Variants in KCNQ1 observed in about 807,000 individuals in gnomAD.
The protein encoded by KCNQ1 is potassium voltage-gated channel subfamily Q member 1, also known as potassium voltage-gated channel subfamily KQT member 1.
Under a neutral mutation model 72.4 loss-of-function variants are expected in KCNQ1, and 49 were observed. The observed-to-expected ratio is 0.68, with a 90% confidence interval of 0.54 to 0.86. The LOEUF is 0.86. Among genes scored for constraint, KCNQ1 ranks in the 40% least tolerant of loss-of-function variants. The pLI, the probability that KCNQ1 is intolerant of heterozygous loss-of-function variation, is 0.00. For missense variants in KCNQ1, 790 were observed against 945.1 expected, an observed-to-expected ratio of 0.84 and a Z score of 2.15; for synonymous variants, 450 against 412.6, an observed-to-expected ratio of 1.09 and a Z score of -1.10.
intron 2 of KCNQ1, among the ~76,000 whole-genome samples, chr11:2,540,230 C>A (rs1348201662): frequency 1.3e-5 from 2 of 152,208 alleles, no homozygotes; most frequent in African/African-American, 4.8e-5. Context: ...CCAGGGGAAC[C>A]CCCTAGAGGG....
At chr11:2,709,543 C>T (rs1379593250) in intron 11 of KCNQ1, among the ~76,000 whole-genome samples, 11 of 152,068 alleles carry the variant, frequency 7.2e-5, no homozygotes, top group East Asian at 1.9e-4. Context: ...GTTTTTAGTA[C>T]GTTCAGAGTT....
At chr11:2,496,495 C>CTTTTTTTTTTTTTTTTG (rs1846920771) in intron 1 of KCNQ1, among the ~76,000 whole-genome samples, 1 of 29,830 alleles carries the variant, frequency 3.4e-5, no homozygotes, top group Non-Finnish European at 6.2e-5. Flanking sequence ...ACAACCCCTG[C>CTTTTTTTTTTTTTTTTG]TTTTTTTTTT....
intron 15 of KCNQ1, among the ~76,000 whole-genome samples, chr11:2,834,710 T>C (rs1208604065): frequency 6.6e-6 from 1 of 152,198 alleles, no homozygotes; most frequent in Non-Finnish European, 1.5e-5. Context: ...GGTGTCCTTA[T>C]GTCTGAGAGT....
chr11:2,736,011 A>T (rs899140747), intron 11 of KCNQ1, among the ~76,000 whole-genome samples: 1 of 152,180 alleles, frequency 6.6e-6, no homozygotes, highest in African/African-American at 2.4e-5. Context: ...GTACAAAGGG[A>T]CAGAGAAGCG....
chr11:2,490,932 C>G lies in KCNQ1; in HGVS notation c.387-36996C>G, dbSNP rs148612928. Reference sequence around the variant, plus strand: ...TGTTGGTCAGGCTGGTCTTGAACTCCCGACCTCAGGTGATCTGCCCGCCTC... The same window carrying G: ...TGTTGGTCAGGCTGGTCTTGAACTCGCGACCTCAGGTGATCTGCCCGCCTC... On this transcript the variant is annotated intron_variant, in intron 1 of 15. Transcript: ENST00000155840. Among the ~76,000 whole-genome samples, 179 of 152,254 alleles carry G rather than the reference C, an allele frequency of 1.2e-3. 2 individuals are homozygous for G. The highest frequency in any genetic ancestry group is 4.1e-3 in the African/African-American group (169 of 41,550).
intron 10 of KCNQ1, chr11:2,637,546 A>G (rs1849494116): frequency 6.6e-6 from 1 of 152,194 alleles, no homozygotes; most frequent in African/African-American, 2.4e-5. Context: ...GTGGTCTGAG[A>G]GACAGTTTGT....
chr11:2,528,102 G>A, intron 2 of KCNQ1, 84 bp downstream of exon 2: 1 of 1,065,586 alleles, frequency 9.4e-7, no homozygotes, highest in South Asian at 1.3e-5. Flanking sequence ...CATAAGGTGG[G>A]GGGCAGAGCC....
intron 1 of KCNQ1, among the ~76,000 whole-genome samples, chr11:2,522,702 A>C (rs1268247881): frequency 6.6e-6 from 1 of 152,250 alleles, no homozygotes; most frequent in Non-Finnish European, 1.5e-5. Context: ...GCTGACAGCC[A>C]GCCTGGCCCA....
intron 15 of KCNQ1, among the ~76,000 whole-genome samples, chr11:2,806,655 C>T (rs1847379659): frequency 6.6e-6 from 1 of 152,228 alleles, no homozygotes; most frequent in East Asian, 1.9e-4. Context: ...CTCCATCTTC[C>T]ACCTGTCCTG....
Position 2,649,769 on chromosome 11 carries a change from G to C in KCNQ1, c.1394-12192G>C, listed in dbSNP as rs1849729422. On this transcript the variant is annotated intron_variant, in intron 10 of 15. Transcript: ENST00000155840. Reference sequence around the variant, plus strand: ...GACAGTTTGATGAAAATGTGCCTCAGAGAGGCCCTTTTAGGGTTGAATCTA... The same window carrying C: ...GACAGTTTGATGAAAATGTGCCTCACAGAGGCCCTTTTAGGGTTGAATCTA... 4 of 398,490 alleles carry C rather than the reference G, an allele frequency of 1.0e-5. No individual in the cohort carries two copies. The East Asian group carries it at 1.4e-4, about 14-fold the overall frequency. The allele number at this position is 398,490 out of a possible 1,614,324, so 24.7% of individuals were successfully genotyped here. A position where few individuals can be genotyped will look rare whatever the true frequency, so the allele number is the denominator to read the frequency against.
chr11:2,505,680 G>A (rs1847092597), intron 1 of KCNQ1, among the ~76,000 whole-genome samples: 1 of 152,190 alleles, frequency 6.6e-6, no homozygotes. Context: ...ATGGTTATCT[G>A]TAACATCTTC....
chr11:2,676,487 A>T lies in KCNQ1; in HGVS notation c.1514+14406A>T, dbSNP rs1277019304. 2.5e-6 allele frequency: 1 copy of T among 398,574 alleles called. No individual in the cohort carries two copies. The highest frequency in any genetic ancestry group is 4.4e-6 in the Non-Finnish European group (1 of 226,106). 24.7% of individuals were successfully genotyped at this position (398,574 alleles called of 1,614,324 possible). A position where few individuals can be genotyped will look rare whatever the true frequency, so the allele number is the denominator to read the frequency against. ...TGTTAGCTGTAGTCTTTCTGGCATC[A>T]GTTCCATTTCTGGTGAACACTTGGA... On this transcript the variant is annotated intron_variant, in intron 11 of 15. Transcript: ENST00000155840. The surrounding 1 kb of genome is among the most constrained non-coding windows in gnomAD (Gnocchi z 4.2).
intron 11 of KCNQ1, among the ~76,000 whole-genome samples, chr11:2,731,446 C>T (rs1845857411): frequency 6.6e-6 from 1 of 152,222 alleles, no homozygotes; most frequent in Admixed American, 6.5e-5. Flanking sequence ...GCACTGCAGG[C>T]CGCCCACCAC....
intron 10 of KCNQ1, chr11:2,635,148 G>A (rs1424574894): frequency 4.6e-5 from 7 of 152,222 alleles, no homozygotes; most frequent in East Asian, 1.9e-4. Context: ...TCACTCTGAC[G>A]GTAGTTTCTT....
chr11:2,794,344 G>A (rs1210089315), intron 15 of KCNQ1, among the ~76,000 whole-genome samples: 1 of 152,226 alleles, frequency 6.6e-6, no homozygotes, highest in Non-Finnish European at 1.5e-5. Context: ...TTTGCTCGGA[G>A]GGGTGCTGAG....
At chr11:2,844,898 C>T (rs756760344) in intron 15 of KCNQ1, among the ~76,000 whole-genome samples, 10 of 152,328 alleles carry the variant, frequency 6.6e-5, no homozygotes, top group Non-Finnish European at 1.2e-4. Flanking sequence ...GTAAGCCACG[C>T]GGGGCAAACC....
chr11:2,784,871 CA>C lies in KCNQ1; in HGVS notation c.1794+6836del, dbSNP rs540941830. Reference sequence around the variant, plus strand: ...TAGAAGTAACATTAAATTTTTATATCAATCTTGTAAACTGACTTTTCTATTC... The same window carrying C: ...TAGAAGTAACATTAAATTTTTATATCATCTTGTAAACTGACTTTTCTATTC... On this transcript the variant is annotated intron_variant, in intron 15 of 15. Transcript: ENST00000155840. The surrounding 1 kb of genome is among the most constrained non-coding windows in gnomAD (Gnocchi z 4.7). 2.3e-3 allele frequency among the ~76,000 whole-genome samples: 346 copies of C among 152,028 alleles called. 1 individual carries two copies. Among genetic ancestry groups the C allele is most frequent in the African/African-American group, 7.6e-3 (316 of 41,530 alleles).
chr11:2,725,675 C>G lies in KCNQ1; in HGVS notation c.1515-43169C>G, dbSNP rs1845747305. ...TGCCTTCAGTGCCAAAGCCCCAGGCCCACAGGCTGTGCACTCCAGCCGAGG... is the reference window on the plus strand; with the variant it reads ...TGCCTTCAGTGCCAAAGCCCCAGGCGCACAGGCTGTGCACTCCAGCCGAGG... On this transcript the variant is annotated intron_variant, in intron 11 of 15. Transcript: ENST00000155840. This position sits in a 1 kb window ranked among gnomAD's most constrained non-coding sequence, Gnocchi z 7.2. Among the ~76,000 whole-genome samples, 1 of 152,138 alleles carries G rather than the reference C, an allele frequency of 6.6e-6. No homozygotes were observed. Among genetic ancestry groups the G allele is most frequent in the Non-Finnish European group, 1.5e-5 (1 of 68,014 alleles).
chr11:2,501,739 A>AAG (rs1847014890), intron 1 of KCNQ1, among the ~76,000 whole-genome samples: 1 of 137,792 alleles, frequency 7.3e-6, no homozygotes, highest in Non-Finnish European at 1.6e-5. Context: ...AAAAAAAAAA[A>AAG]AAAAAAAAGG....
Sources: allele counts gnomAD v4.1 joint callset (sites outside exome capture counted in the v4.1 genomes callset), GRCh38; gene constraint gnomAD v4.1.1; non-coding constraint Gnocchi (gnomAD v3.1); transcripts MANE v1.5; gene names NCBI Gene and HGNC (gene_info 2026-07-23, HGNC 2026-07-21).